The following CA10 variants were observed in gnomAD, a reference collection of about 807,000 sequenced individuals.
CA10 encodes the protein carbonic anhydrase-related protein 10.
CA10 carries 14 observed loss-of-function variants against 44.2 expected under a neutral mutation model. The observed-to-expected ratio is 0.32, with a 90% CI of 0.21 to 0.50. The LOEUF is 0.50. Ranked by LOEUF, CA10 falls within the 20% of genes least tolerant of loss-of-function variation. The probability of loss-of-function intolerance (pLI) is 0.99; values close to 1 mark genes in which losing one functional copy is unlikely to be tolerated. For missense variants in CA10, 350 were observed against 409.7 expected (o/e 0.85, Z 1.26); for synonymous variants, 159 against 141.6 (o/e 1.12, Z -0.87).
intron 2 of CA10, among the ~76,000 whole-genome samples, chr17:52,070,935 C>T (rs976696724): frequency 6.6e-6 from 1 of 152,112 alleles, no homozygotes; most frequent in South Asian, 2.1e-4. Flanking sequence ...AGAGAATACC[C>T]TTTATTTCTC....
chr17:51,694,727 CA>C (rs372637959), intron 4 of CA10, among the ~76,000 whole-genome samples: 12 of 152,008 alleles, frequency 7.9e-5, no homozygotes, highest in African/African-American at 2.4e-4. Flanking sequence ...AACTATATCC[CA>C]AGGCTAACAT....
At chr17:51,793,176 C>G (rs929470507) in intron 3 of CA10, among the ~76,000 whole-genome samples, 10 of 152,152 alleles carry the variant, frequency 6.6e-5, no homozygotes, top group Admixed American at 1.3e-4. Context: ...GAAAATTTCG[C>G]TTTATGGTTT....
chr17:52,121,554 T>C (rs1286320282), intron 1 of CA10, among the ~76,000 whole-genome samples: 1 of 152,014 alleles, frequency 6.6e-6, no homozygotes, highest in Non-Finnish European at 1.5e-5. Flanking sequence ...TAATTTTCAT[T>C]AGAAAGAGAC....
chr17:52,089,744 A>G (rs1224167540), intron 1 of CA10, among the ~76,000 whole-genome samples: 2 of 152,108 alleles, frequency 1.3e-5, no homozygotes, highest in Non-Finnish European at 2.9e-5. Context: ...TTTATAATAT[A>G]CATATTTTAA....
intron 2 of CA10, among the ~76,000 whole-genome samples, chr17:51,991,313 C>T (rs1180228007): frequency 6.6e-6 from 1 of 152,138 alleles, no homozygotes; most frequent in Non-Finnish European, 1.5e-5. Flanking sequence ...GCTGCAAACA[C>T]ATCCATGTCA....
At chr17:51,877,603 T>TA (rs1368776834) in intron 3 of CA10, among the ~76,000 whole-genome samples, 3 of 152,122 alleles carry the variant, frequency 2.0e-5, no homozygotes, top group South Asian at 4.1e-4. Flanking sequence ...GATATGAAGT[T>TA]AAGTACCCAT....
chr17:51,716,483 G>GAA (rs368431884), intron 4 of CA10, among the ~76,000 whole-genome samples: 26,319 of 152,030 alleles, frequency 0.17, 2,590 homozygotes, highest in East Asian at 0.31. Context: ...AAAAAGAAGA[G>GAA]AAAAAATGCC....
At chr17:51,850,597 T>C (rs1460695375) in intron 3 of CA10, among the ~76,000 whole-genome samples, 3 of 152,218 alleles carry the variant, frequency 2.0e-5, no homozygotes, top group African/African-American at 4.8e-5. Flanking sequence ...CTGTCTCCAT[T>C]TCACGGATGG....
intron 3 of CA10, among the ~76,000 whole-genome samples, chr17:51,816,023 ATTCT>A (rs1261751267): frequency 6.6e-6 from 1 of 152,036 alleles, no homozygotes; most frequent in Non-Finnish European, 1.5e-5. Flanking sequence ...GATCTTGTTC[ATTCT>A]TTCTAATTTT....
rs182294529 is a variant in CA10 at position 51,898,215 on chromosome 17, C to A, written c.279+32775G>T. ...TTGGCTGTGGGTTTGTCATAAGTGG[C>A]TCTTATTATTTTAAAATATGTTTTC... On this transcript the variant is annotated intron_variant, in intron 3 of 8. Transcript: ENST00000451037. Among the ~76,000 whole-genome samples, 286 of 151,916 alleles carry A rather than the reference C, an allele frequency of 1.9e-3. 1 individual carries two copies. Among genetic ancestry groups the A allele is most frequent in the African/African-American group, 6.5e-3 (269 of 41,420 alleles).
intron 4 of CA10, among the ~76,000 whole-genome samples, chr17:51,713,206 G>A (rs1915999043): frequency 6.6e-6 from 1 of 152,170 alleles, no homozygotes; most frequent in African/African-American, 2.4e-5. Flanking sequence ...TCTTACACAT[G>A]CACTGAATGG....
chr17:52,041,336 G>C (rs2907775), intron 2 of CA10, among the ~76,000 whole-genome samples: 57,245 of 151,966 alleles, frequency 0.38, 13,021 homozygotes, highest in East Asian at 0.77. Context: ...TTAGAAGACA[G>C]AAACATTGAG....
At chr17:52,051,099 G>A (rs1987055596) in intron 2 of CA10, among the ~76,000 whole-genome samples, 1 of 120,200 alleles carries the variant, frequency 8.3e-6, no homozygotes, top group South Asian at 3.2e-4. Context: ...TGGGAAGGGA[G>A]GAAGGAAGGA....
chr17:51,744,611 T>G (rs1045843530), intron 4 of CA10, among the ~76,000 whole-genome samples: 5 of 152,114 alleles, frequency 3.3e-5, no homozygotes, highest in Non-Finnish European at 5.9e-5. Context: ...AGACCCTTTC[T>G]CTCTAAATAA....
intron 3 of CA10, among the ~76,000 whole-genome samples, chr17:51,926,156 A>C (rs1227013330): frequency 6.6e-6 from 1 of 152,186 alleles, no homozygotes; most frequent in Non-Finnish European, 1.5e-5. Context: ...TCGGTAGTTA[A>C]GAACTCCTAG....
intron 2 of CA10, among the ~76,000 whole-genome samples, chr17:52,010,618 G>A (rs932895044): frequency 6.6e-6 from 1 of 151,784 alleles, no homozygotes; most frequent in Non-Finnish European, 1.5e-5. Context: ...TGGGGACTGG[G>A]GGAAAATGTG....
At chr17:51,649,746 T>C (rs1913484273) in intron 5 of CA10, among the ~76,000 whole-genome samples, 2 of 152,040 alleles carry the variant, frequency 1.3e-5, no homozygotes, top group South Asian at 2.1e-4. Context: ...GAAGTGAGCC[T>C]AGAAAGATTG....
At chr17:51,947,358 A>G (rs1983322037) in intron 2 of CA10, among the ~76,000 whole-genome samples, 3 of 152,094 alleles carry the variant, frequency 2.0e-5, no homozygotes, top group African/African-American at 4.8e-5. Flanking sequence ...AAATCCGACA[A>G]AGGTTCACAT....
At chr17:51,815,660 G>C (rs572840693) in intron 3 of CA10, among the ~76,000 whole-genome samples, 2 of 152,232 alleles carry the variant, frequency 1.3e-5, no homozygotes, top group South Asian at 4.2e-4. Flanking sequence ...ATCTGACTGA[G>C]ATAATGAATC....
Sources: gnomAD v4.1 joint callset for allele counts (sites outside exome capture counted in the v4.1 genomes callset) on GRCh38, gnomAD v4.1.1 for gene constraint, MANE v1.5 for transcripts, NCBI Gene and HGNC (gene_info 2026-07-23, HGNC 2026-07-21) for gene names.